The following ZBTB16 variants were observed in gnomAD, a reference collection of about 807,000 sequenced individuals.
ZBTB16 encodes the protein zinc finger and BTB domain-containing protein 16.
Under a neutral mutation model 56.8 loss-of-function variants are expected in ZBTB16, and 8 were observed. The observed-to-expected ratio is 0.14, with a 90% CI of 0.08 to 0.25. The LOEUF is 0.25. Among genes scored for constraint, ZBTB16 ranks in the 10% least tolerant of loss-of-function variants. The pLI is 1.00. For synonymous variants in ZBTB16, 363 were observed against 368.5 expected, an observed-to-expected ratio of 0.98 and a Z score of 0.17; for missense variants, 625 against 903.0, an observed-to-expected ratio of 0.69 and a Z score of 3.95.
Position 114,148,863 on chromosome 11 carries a change from G to GGTGTGTGTGTGTGTGTGTGTGT in ZBTB16, c.1269-7457_1269-7436dup, listed in dbSNP as rs35071911. Among the ~76,000 whole-genome samples the GGTGTGTGTGTGTGTGTGTGTGT allele has an allele frequency of 5.1e-4, 73 of 144,048 alleles. 1 individual carries two copies. The highest frequency in any genetic ancestry group is 1.8e-3 in the African/African-American group (68 of 38,300). 94.5% of individuals were successfully genotyped at this position (144,048 alleles called of 152,430 possible). A position where few individuals can be genotyped will look rare whatever the true frequency, so the allele number is the denominator to read the frequency against. ...ACAGTAGGGGCAACTGTTTTTTACT[G>GGTGTGTGTGTGTGTGTGTGTGT]GTGTGTGTGTGTGTGTGTGTGTGTG... On this transcript the variant is annotated intron_variant, in intron 2 of 6. Transcript: ENST00000335953.
At chr11:114,190,397 C>T (rs944952391) in intron 4 of ZBTB16, among the ~76,000 whole-genome samples, 1 of 152,110 alleles carries the variant, frequency 6.6e-6, no homozygotes, top group Admixed American at 6.5e-5. Context: ...CTTAAATGTG[C>T]TCAGAACACT....
chr11:114,107,549 C>T lies in ZBTB16; in HGVS notation c.1268+42981C>T, dbSNP rs528435459. ...CCTCCAAAGAGCATGATTTCTGAGC[C>T]TACCAAAGTGATTACTGTGCTAAAA... On this transcript the variant is annotated intron_variant, in intron 2 of 6. Transcript: ENST00000335953. 2.0e-5 allele frequency among the ~76,000 whole-genome samples: 3 copies of T among 152,256 alleles called. No individual in the cohort carries two copies. The East Asian group carries it at 5.8e-4, about 29-fold the overall frequency.
intron 1 of ZBTB16, among the ~76,000 whole-genome samples, chr11:114,062,642 C>T (rs140651442): frequency 3.0e-4 from 45 of 152,286 alleles, no homozygotes; most frequent in Middle Eastern, 6.8e-3. Flanking sequence ...ATAGCCTTTG[C>T]GGAGGAGAGC....
intron 3 of ZBTB16, among the ~76,000 whole-genome samples, chr11:114,160,749 C>T (rs1004078797): frequency 6.6e-5 from 10 of 152,130 alleles, no homozygotes; most frequent in East Asian, 3.9e-4. Context: ...ATGGGCTATA[C>T]CTGATGATCA....
intron 5 of ZBTB16, among the ~76,000 whole-genome samples, chr11:114,244,399 C>T (rs986325439): frequency 2.0e-5 from 3 of 151,852 alleles, no homozygotes; most frequent in Non-Finnish European, 4.4e-5. Context: ...ACTGGGCAGG[C>T]TGGAGGGGGC....
intron 3 of ZBTB16, among the ~76,000 whole-genome samples, chr11:114,170,555 G>T (rs959907765): frequency 6.6e-6 from 1 of 151,872 alleles, no homozygotes; most frequent in Non-Finnish European, 1.5e-5. Flanking sequence ...AGTAGTTAAC[G>T]CACTCCCTCC....
In ZBTB16 at chr11:114,242,221, G is replaced by T. The variant is rs1224064756; in HGVS notation, c.1508G>T (p.Ser503Ile). ...LLCGKRFQAQSALQQHMEVHA... is the reference protein window; with the variant it reads ...LLCGKRFQAQIALQQHMEVHA... Reference sequence around the variant, plus strand: ...TGTGGGAAGCGCTTCCAGGCGCAGAGCGCACTGCAGCAGCACATGGAGGTC... The same window carrying T: ...TGTGGGAAGCGCTTCCAGGCGCAGATCGCACTGCAGCAGCACATGGAGGTC... Residue 503 changes from serine (S) to isoleucine (I), a missense_variant, in exon 5 of 7, where the codon AGC (serine) becomes ATC (isoleucine). Ser to Ile is a moderately radical substitution (Grantham distance 142). Around this residue, in one of 6 missense-constraint regions of ZBTB16, gnomAD observed 140 missense variants for 214.8 expected, o/e 0.65. Coordinates refer to ENST00000335953, the MANE Select transcript of ZBTB16 (RefSeq NM_006006.6). The T allele has an allele frequency of 6.2e-7, 1 of 1,613,822 alleles. No individual in the cohort carries two copies. The highest frequency in any genetic ancestry group is 8.5e-7 in the Non-Finnish European group (1 of 1,179,978).
chr11:114,127,328 G>A (rs919084405), intron 2 of ZBTB16, among the ~76,000 whole-genome samples: 2 of 152,150 alleles, frequency 1.3e-5, no homozygotes, highest in Non-Finnish European at 2.9e-5. Context: ...GGACTCCCAT[G>A]GTGTGCGTGT....
intron 3 of ZBTB16, among the ~76,000 whole-genome samples, chr11:114,159,388 A>G (rs962169298): frequency 6.6e-6 from 1 of 152,184 alleles, no homozygotes; most frequent in Non-Finnish European, 1.5e-5. Context: ...CTTGGAAAGG[A>G]TGATTTGATG....
At chr11:114,174,207 C>A (rs1292732719) in intron 3 of ZBTB16, among the ~76,000 whole-genome samples, 1 of 152,112 alleles carries the variant, frequency 6.6e-6, no homozygotes, top group Non-Finnish European at 1.5e-5. Context: ...GTCGGATAGA[C>A]AGTGTTGTTT....
intron 4 of ZBTB16, among the ~76,000 whole-genome samples, chr11:114,211,578 C>T (rs1380995361): frequency 6.6e-6 from 1 of 152,218 alleles, no homozygotes; most frequent in Non-Finnish European, 1.5e-5. Context: ...CAGTATCATC[C>T]TTATTGATTC....
chr11:114,080,331 C>T (rs1939715242), intron 2 of ZBTB16, among the ~76,000 whole-genome samples: 1 of 152,112 alleles, frequency 6.6e-6, no homozygotes, highest in African/African-American at 2.4e-5. Flanking sequence ...AACACTCGCC[C>T]ATCCACTGAG....
At chr11:114,130,763 A>G (rs1284478422) in intron 2 of ZBTB16, among the ~76,000 whole-genome samples, 7 of 152,224 alleles carry the variant, frequency 4.6e-5, no homozygotes, top group Non-Finnish European at 8.8e-5. Context: ...GAATTTCTTT[A>G]TGAGGCTAAG....
rs889402768 is a variant in ZBTB16, at chr11:114,197,022, C to T, written c.1453+9984C>T. On this transcript the variant is annotated intron_variant, in intron 4 of 6. Coordinates refer to ENST00000335953, the MANE Select transcript of ZBTB16 (RefSeq NM_006006.6). ...GGGCCTGGGCATCAGCTCTCATGTG[C>T]GGATCAATGGATCAAAGCCCCTATT... Among the ~76,000 whole-genome samples the T allele has an allele frequency of 2.0e-5, 3 of 151,982 alleles. No homozygotes were observed. The East Asian group carries it at 5.8e-4, about 29-fold the overall frequency.
chr11:114,207,179 C>CTT (rs1390918021), intron 4 of ZBTB16, among the ~76,000 whole-genome samples: 1 of 152,124 alleles, frequency 6.6e-6, no homozygotes, highest in Non-Finnish European at 1.5e-5. Context: ...GTCTCTCTCT[C>CTT]TTATCCTTCA....
At chr11:114,130,167 T>G (rs1272455397) in intron 2 of ZBTB16, among the ~76,000 whole-genome samples, 2 of 152,194 alleles carry the variant, frequency 1.3e-5, no homozygotes, top group Non-Finnish European at 2.9e-5. Flanking sequence ...ACTCTCTTTC[T>G]GGGGGTAAAC....
Position 114,252,234 on chromosome 11 carries a change from C to G in ZBTB16, c.*1679C>G, listed in dbSNP as rs1026132210. On this transcript the variant is annotated 3_prime_UTR_variant, in exon 7 of 7. Coordinates refer to ENST00000335953, the MANE Select transcript of ZBTB16 (RefSeq NM_006006.6). ...GCCACCATCCGTTCCGCCTAAAACA[C>G]TCTGGAGAGAATCCCACCTTTCTTA... is the stretch of plus-strand genomic sequence containing the variant. 1.3e-5 allele frequency among the ~76,000 whole-genome samples: 2 copies of G among 152,160 alleles called. No individual in the cohort carries two copies. Among genetic ancestry groups the G allele is most frequent in the Non-Finnish European group, 2.9e-5 (2 of 68,028 alleles).
rs61107073 is a variant in ZBTB16 at position 114,256,022 on chromosome 11, GTTTTTT to G, written c.*5474_*5479del. ...TTATTGAAGTACTTGGTTTTGTTTT[GTTTTTT>G]TTTTTTGTTTTTTTTGCCTTTTCTT... is the stretch of plus-strand genomic sequence containing the variant. On this transcript the variant is annotated 3_prime_UTR_variant, in exon 7 of 7. Transcript: ENST00000335953. 7.0e-6 allele frequency among the ~76,000 whole-genome samples: 1 copy of G among 143,082 alleles called. No individual in the cohort carries two copies. Among genetic ancestry groups the G allele is most frequent in the Non-Finnish European group, 1.5e-5 (1 of 65,996 alleles). 93.9% of individuals were successfully genotyped at this position (143,082 alleles called of 152,430 possible). A position where few individuals can be genotyped will look rare whatever the true frequency, so the allele number is the denominator to read the frequency against.
At chr11:114,089,959 C>T (rs544446905) in intron 2 of ZBTB16, among the ~76,000 whole-genome samples, 1 of 152,332 alleles carries the variant, frequency 6.6e-6, no homozygotes, top group African/African-American at 2.4e-5. Flanking sequence ...GGGCAGGAAG[C>T]TGCTGATTCT....
Sources: allele counts gnomAD v4.1 joint callset (sites outside exome capture counted in the v4.1 genomes callset), GRCh38; gene constraint gnomAD v4.1.1; regional missense constraint gnomAD v4.1.1; transcripts MANE v1.5; gene names NCBI Gene and HGNC (gene_info 2026-07-23, HGNC 2026-07-21).